The following SPAG16 variants were observed in gnomAD, a reference collection of about 807,000 sequenced individuals.
SPAG16 encodes the protein sperm-associated antigen 16 protein.
In SPAG16, 86 loss-of-function variants were observed where a neutral mutation model predicts 80.4. That is an observed-to-expected ratio of 1.07 (90% CI 0.90 to 1.28). SPAG16 has a LOEUF of 1.28. SPAG16 is among the 50% of genes most tolerant of loss of function. SPAG16 has a pLI of 0.00. For missense variants in SPAG16, 870 were observed against 765.3 expected (o/e 1.14, Z -1.61); for synonymous variants, 294 against 265.9 (o/e 1.11, Z -1.03).
intron 9 of SPAG16, among the ~76,000 whole-genome samples, chr2:213,435,145 A>G (rs1405628571): frequency 2.0e-5 from 3 of 152,240 alleles, no homozygotes; most frequent in African/African-American, 7.2e-5. Flanking sequence ...CTATTCAGCC[A>G]TAAAGAATGA....
chr2:213,732,731 G>A (rs1158934903), intron 10 of SPAG16, among the ~76,000 whole-genome samples: 1 of 152,082 alleles, frequency 6.6e-6, no homozygotes, highest in Non-Finnish European at 1.5e-5. Context: ...CCATTTGCTT[G>A]TGTTATCTGT....
intron 14 of SPAG16, among the ~76,000 whole-genome samples, chr2:214,138,800 C>G (rs2055197082): frequency 6.6e-6 from 1 of 152,120 alleles, no homozygotes. Flanking sequence ...TTGGAAAATA[C>G]AGGGAGGTAA....
At chr2:214,166,282 T>G (rs530616335) in intron 15 of SPAG16, among the ~76,000 whole-genome samples, 1 of 152,328 alleles carries the variant, frequency 6.6e-6, no homozygotes, top group East Asian at 1.9e-4. Context: ...TCTATGTTCT[T>G]CTCTGCCTTC....
chr2:213,347,666 G>T (rs1575299390), intron 6 of SPAG16, among the ~76,000 whole-genome samples: 1 of 152,296 alleles, frequency 6.6e-6, no homozygotes, highest in East Asian at 1.9e-4. Flanking sequence ...TCAGGAGCAG[G>T]TTGTTCAGTT....
chr2:213,537,977 T>C (rs1033778409), intron 10 of SPAG16, among the ~76,000 whole-genome samples: 14 of 152,308 alleles, frequency 9.2e-5, no homozygotes, highest in African/African-American at 2.9e-4. Flanking sequence ...ATTCTTTCAA[T>C]CATTCGTGTA....
intron 13 of SPAG16, among the ~76,000 whole-genome samples, chr2:214,075,559 A>T (rs2051033513): frequency 6.6e-6 from 1 of 152,172 alleles, no homozygotes. Context: ...CTTTGCTGTA[A>T]GTATGTTATA....
At chr2:213,643,347 T>C (rs1318753908) in intron 10 of SPAG16, among the ~76,000 whole-genome samples, 24 of 34,660 alleles carry the variant, frequency 6.9e-4, no homozygotes, top group African/African-American at 2.1e-3. Context: ...GGATCTTAAT[T>C]TTATATATAT....
At chr2:213,382,871 C>T (rs986494293) in intron 9 of SPAG16, among the ~76,000 whole-genome samples, 3 of 152,008 alleles carry the variant, frequency 2.0e-5, no homozygotes, top group South Asian at 4.1e-4. Context: ...TATATGGCCC[C>T]GAGGCAAAGG....
intron 10 of SPAG16, among the ~76,000 whole-genome samples, chr2:213,772,957 T>G (rs1386067674): frequency 1.3e-5 from 2 of 152,134 alleles, no homozygotes; most frequent in Admixed American, 1.3e-4. Flanking sequence ...TTTGAGATGC[T>G]TTTATATACA....
chr2:213,871,785 C>T (rs1335785249), intron 11 of SPAG16, among the ~76,000 whole-genome samples: 3 of 151,102 alleles, frequency 2.0e-5, no homozygotes, highest in Non-Finnish European at 4.4e-5. Flanking sequence ...GAAGAAACTT[C>T]TGTGACCACA....
At chr2:213,990,663 T>G (rs996510806) in intron 12 of SPAG16, among the ~76,000 whole-genome samples, 1 of 152,170 alleles carries the variant, frequency 6.6e-6, no homozygotes, top group Non-Finnish European at 1.5e-5. Context: ...CCTTGTTATC[T>G]TCACGTTGAG....
intron 9 of SPAG16, among the ~76,000 whole-genome samples, chr2:213,421,466 T>C (rs2069582755): frequency 6.6e-6 from 1 of 152,128 alleles, no homozygotes; most frequent in African/African-American, 2.4e-5. Context: ...GACATGTAGA[T>C]GGTGGCAGGA....
At chr2:214,175,301 A>G (rs2057037552) in intron 15 of SPAG16, among the ~76,000 whole-genome samples, 1 of 69,528 alleles carries the variant, frequency 1.4e-5, no homozygotes, top group African/African-American at 3.3e-5. Flanking sequence ...ATATATAAAG[A>G]AATATATATA....
chr2:214,089,174 T>A (rs915121365), intron 13 of SPAG16, among the ~76,000 whole-genome samples: 3 of 152,036 alleles, frequency 2.0e-5, no homozygotes, highest in African/African-American at 7.2e-5. Flanking sequence ...TCTGTGCCTA[T>A]CCCAGTATCT....
intron 15 of SPAG16, among the ~76,000 whole-genome samples, chr2:214,186,046 A>AAATAT (rs10631061): frequency 6.6e-6 from 1 of 151,964 alleles, no homozygotes; most frequent in East Asian, 1.9e-4. Flanking sequence ...GCATAAAATA[A>AAATAT]TGTTCAAAAA....
At chr2:214,289,396 CTTGAG>C (rs1319969542) in intron 15 of SPAG16, among the ~76,000 whole-genome samples, 2 of 152,068 alleles carry the variant, frequency 1.3e-5, no homozygotes, top group Non-Finnish European at 2.9e-5. Context: ...TTTCATGGAT[CTTGAG>C]TTAATTTTTC....
At chr2:213,720,471 C>CAA (rs57358797) in intron 10 of SPAG16, among the ~76,000 whole-genome samples, 5 of 135,694 alleles carry the variant, frequency 3.7e-5, no homozygotes, top group African/African-American at 1.1e-4. Context: ...ACTAAAAATA[C>CAA]AAAAAAAAAA....
intron 12 of SPAG16, among the ~76,000 whole-genome samples, chr2:213,954,666 T>C (rs1204775001): frequency 6.6e-6 from 1 of 152,110 alleles, no homozygotes; most frequent in East Asian, 1.9e-4. Context: ...TACTGTTGGG[T>C]ATATAACTAG....
intron 9 of SPAG16, chr2:213,422,650 C>G: frequency 3.8e-6 from 1 of 261,468 alleles, no homozygotes; most frequent in Non-Finnish European, 7.4e-6. Flanking sequence ...AGTTCCTTCC[C>G]CTTACTCTCC....
Sources: gnomAD v4.1 joint callset for allele counts (sites outside exome capture counted in the v4.1 genomes callset) on GRCh38, gnomAD v4.1.1 for gene constraint, MANE v1.5 for transcripts, NCBI Gene and HGNC (gene_info 2026-07-23, HGNC 2026-07-21) for gene names.